CNTN1: variants seen among roughly 807,000 people sequenced by gnomAD.
CNTN1 encodes the protein contactin 1, also known as contactin-1.
CNTN1 carries 38 observed loss-of-function variants against 126.4 expected under a neutral mutation model. That is an observed-to-expected ratio of 0.30 (90% CI 0.23 to 0.39). The LOEUF (loss-of-function observed/expected upper bound fraction) is 0.39, where lower values mean the gene tolerates loss of function less well. Ranked by LOEUF, CNTN1 falls within the 10% of genes least tolerant of loss-of-function variation. The probability of loss-of-function intolerance (pLI) is 1.00; values close to 1 mark genes in which losing one functional copy is unlikely to be tolerated. For synonymous variants in CNTN1, 413 were observed against 422.6 expected (o/e 0.98, Z 0.28); for missense variants, 1,009 against 1,248.4 (o/e 0.81, Z 2.89).
chr12:40,730,846 G>T (rs1401712221), intron 1 of CNTN1, among the ~76,000 whole-genome samples: 1 of 151,962 alleles, frequency 6.6e-6, no homozygotes, highest in African/African-American at 2.4e-5. Context: ...CAATTTGGGG[G>T]AGTATGTGTG....
At chr12:40,814,541 C>T (rs558486645) in intron 1 of CNTN1, among the ~76,000 whole-genome samples, 205 of 152,158 alleles carry the variant, frequency 1.3e-3, no homozygotes, top group Middle Eastern at 3.4e-3. Context: ...CTCTATTCTG[C>T]TCCATTGGTC....
At chr12:40,937,800 A>G in intron 11 of CNTN1, 113 bp downstream of exon 11, 2 of 757,750 alleles carry the variant, frequency 2.6e-6, no homozygotes, top group South Asian at 2.8e-5. Context: ...TGTACAACAT[A>G]TGTTGGTTGT....
At chr12:40,755,208 A>T in intron 1 of CNTN1, among the ~76,000 whole-genome samples, 1 of 148,762 alleles carries the variant, frequency 6.7e-6, no homozygotes, top group Non-Finnish European at 1.5e-5. Flanking sequence ...AAAAAAAAAA[A>T]AAAAAAAAAA....
intron 1 of CNTN1, among the ~76,000 whole-genome samples, chr12:40,855,339 A>G (rs1942866954): frequency 6.6e-6 from 1 of 152,098 alleles, no homozygotes; most frequent in African/African-American, 2.4e-5. Flanking sequence ...ATTACTCTTA[A>G]TAGTATCCAT....
chr12:40,978,140 T>C (rs1223425916), intron 15 of CNTN1, among the ~76,000 whole-genome samples: 2 of 152,110 alleles, frequency 1.3e-5, no homozygotes, highest in African/African-American at 4.8e-5. Context: ...ATTACTCTTG[T>C]TTTACAGATG....
chr12:41,050,084 G>T (rs887257852), intron 23 of CNTN1, among the ~76,000 whole-genome samples: 9 of 152,120 alleles, frequency 5.9e-5, no homozygotes, highest in Admixed American at 2.6e-4. Context: ...ACTTTTAGTA[G>T]AGACAGGGTT....
At chr12:41,045,183 A>G (rs1566208408) in intron 23 of CNTN1, among the ~76,000 whole-genome samples, 1 of 152,094 alleles carries the variant, frequency 6.6e-6, no homozygotes, top group East Asian at 1.9e-4. Flanking sequence ...GCCCCAAATC[A>G]TAGGATATTA....
intron 20 of CNTN1, 75 bp downstream of exon 20, chr12:41,020,515 G>A (rs1948883511): frequency 1.1e-6 from 1 of 918,128 alleles, no homozygotes; most frequent in Middle Eastern, 3.2e-4. Context: ...TGTGTTGTAT[G>A]TTTCAATGTC....
chr12:40,723,291 A>G (rs187851231), intron 1 of CNTN1, among the ~76,000 whole-genome samples: 177 of 152,350 alleles, frequency 1.2e-3, no homozygotes, highest in African/African-American at 4.0e-3. Context: ...TTGCTGGGCT[A>G]AATTGTTCCA....
chr12:40,999,895 A>T (rs1948314788), intron 17 of CNTN1, among the ~76,000 whole-genome samples: 1 of 151,576 alleles, frequency 6.6e-6, no homozygotes, highest in Admixed American at 6.6e-5. Flanking sequence ...TTTAGTAGAG[A>T]TGGGGTTTCA....
At chr12:41,028,391 A>T (rs536555928) in intron 22 of CNTN1, among the ~76,000 whole-genome samples, 1 of 152,326 alleles carries the variant, frequency 6.6e-6, no homozygotes, top group African/African-American at 2.4e-5. Flanking sequence ...ACGTAGTGCC[A>T]TGATACATTT....
intron 1 of CNTN1, among the ~76,000 whole-genome samples, chr12:40,893,925 T>G (rs79087374): frequency 0.098 from 14,928 of 152,134 alleles, 864 homozygotes; most frequent in Non-Finnish European, 0.13. Context: ...CGTTCAAAAC[T>G]AAATTATTGG....
chr12:40,926,200 G>C (rs1408866522), intron 6 of CNTN1, among the ~76,000 whole-genome samples: 2 of 151,724 alleles, frequency 1.3e-5, no homozygotes, highest in Non-Finnish European at 2.9e-5. Flanking sequence ...TAGATAGATA[G>C]ATAGATAGAT....
chr12:41,057,190 T>C (rs1592475197), intron 23 of CNTN1, among the ~76,000 whole-genome samples: 1 of 144,970 alleles, frequency 6.9e-6, no homozygotes. Flanking sequence ...AATATTTAGA[T>C]ATTTATATTA....
At chr12:41,022,240 A>C in intron 20 of CNTN1, among the ~76,000 whole-genome samples, 1 of 152,218 alleles carries the variant, frequency 6.6e-6, no homozygotes, top group East Asian at 1.9e-4. Flanking sequence ...ACCTTGATTA[A>C]GGATTTTCAC....
intron 1 of CNTN1, among the ~76,000 whole-genome samples, chr12:40,782,120 T>TA (rs1220188974): frequency 1.3e-5 from 2 of 151,964 alleles, no homozygotes; most frequent in Non-Finnish European, 2.9e-5. Flanking sequence ...ATTACCTATC[T>TA]ATCAATATGC....
intron 17 of CNTN1, among the ~76,000 whole-genome samples, chr12:41,000,785 C>T (rs1001970558): frequency 3.9e-5 from 6 of 152,146 alleles, no homozygotes; most frequent in Non-Finnish European, 8.8e-5. Context: ...CCAACTTCCA[C>T]CCTCTACTCT....
intron 1 of CNTN1, among the ~76,000 whole-genome samples, chr12:40,810,893 A>G (rs1941036155): frequency 6.6e-6 from 1 of 152,210 alleles, no homozygotes; most frequent in Non-Finnish European, 1.5e-5. Context: ...GCATGGTGGT[A>G]CATGACTGCT....
intron 23 of CNTN1, chr12:41,061,972 CA>C (rs2121111099): frequency 4.4e-6 from 1 of 226,822 alleles, no homozygotes; most frequent in Non-Finnish European, 9.1e-6. Flanking sequence ...ATAAAATCAT[CA>C]AAAGCAAAAT....
Sources: allele counts gnomAD v4.1 joint callset (sites outside exome capture counted in the v4.1 genomes callset), GRCh38; gene constraint gnomAD v4.1.1; transcripts MANE v1.5; gene names NCBI Gene and HGNC (gene_info 2026-07-23, HGNC 2026-07-21).